FAM135B: variants seen among roughly 807,000 people sequenced by gnomAD.
The protein encoded by FAM135B is protein FAM135B.
FAM135B carries 43 observed loss-of-function variants against 127.7 expected under a neutral mutation model. The ratio of observed to expected loss-of-function variants is 0.34; its 90% CI spans 0.26 to 0.43. The LOEUF (loss-of-function observed/expected upper bound fraction) is 0.43. FAM135B is among the 20% of genes least tolerant of loss of function. FAM135B has a pLI of 1.00. For synonymous variants in FAM135B, 670 were observed against 665.1 expected (o/e 1.01, Z -0.11); for missense variants, 1,558 against 1,725.6 (o/e 0.90, Z 1.72).
At chr8:138,300,033 T>C (rs980255788) in intron 3 of FAM135B, among the ~76,000 whole-genome samples, 1 of 152,178 alleles carries the variant, frequency 6.6e-6, no homozygotes, top group Non-Finnish European at 1.5e-5. Flanking sequence ...GGTGGCAAGA[T>C]CTCGGCTCAC....
intron 1 of FAM135B, among the ~76,000 whole-genome samples, chr8:138,374,939 C>T (rs971915516): frequency 2.6e-5 from 4 of 152,134 alleles, no homozygotes; most frequent in Non-Finnish European, 5.9e-5. Flanking sequence ...TTTTTCCCAA[C>T]ATTTGTTCCA....
chr8:138,474,643 T>A (rs1470302136), intron 1 of FAM135B, among the ~76,000 whole-genome samples: 2 of 152,204 alleles, frequency 1.3e-5, no homozygotes, highest in African/African-American at 4.8e-5. Flanking sequence ...CCTAACTTTA[T>A]TTGGGTCTTT....
chr8:138,140,923 G>A (rs1347892965), intron 17 of FAM135B, among the ~76,000 whole-genome samples: 1 of 152,108 alleles, frequency 6.6e-6, no homozygotes, highest in Admixed American at 6.6e-5. Flanking sequence ...ACAACACCGT[G>A]TCTTGTCAGT....
At chr8:138,221,240 T>A (rs1264111820) in intron 7 of FAM135B, among the ~76,000 whole-genome samples, 1 of 152,024 alleles carries the variant, frequency 6.6e-6, no homozygotes, top group Non-Finnish European at 1.5e-5. Context: ...CGTACAATCA[T>A]GGAAGAAGGA....
At chr8:138,370,197 A>G (rs1357607604) in intron 1 of FAM135B, among the ~76,000 whole-genome samples, 4 of 152,186 alleles carry the variant, frequency 2.6e-5, no homozygotes, top group Non-Finnish European at 5.9e-5. Flanking sequence ...TTTGGGGTAG[A>G]GTTAATATTT....
intron 12 of FAM135B, among the ~76,000 whole-genome samples, chr8:138,166,273 T>C (rs756946028): frequency 5.3e-5 from 8 of 152,208 alleles, no homozygotes; most frequent in Non-Finnish European, 1.2e-4. Context: ...ATTTAGCTTG[T>C]TGGGTTTCCA....
intron 1 of FAM135B, among the ~76,000 whole-genome samples, chr8:138,399,027 G>C (rs1464525865): frequency 1.3e-5 from 2 of 152,104 alleles, no homozygotes; most frequent in Non-Finnish European, 2.9e-5. Flanking sequence ...AAATTAGCCT[G>C]TCTTCTCATT....
intron 17 of FAM135B, among the ~76,000 whole-genome samples, chr8:138,139,932 C>T (rs781638257): frequency 2.6e-5 from 4 of 152,122 alleles, no homozygotes; most frequent in African/African-American, 4.8e-5. Flanking sequence ...CTGACTGCTA[C>T]GTCAATGTGT....
intron 1 of FAM135B, among the ~76,000 whole-genome samples, chr8:138,432,149 G>T (rs1835223706): frequency 6.6e-6 from 1 of 152,208 alleles, no homozygotes; most frequent in Admixed American, 6.5e-5. Flanking sequence ...TGGCACAAAA[G>T]AGGAGAGACT....
chr8:138,471,458 T>C (rs1329603644), intron 1 of FAM135B, among the ~76,000 whole-genome samples: 1 of 151,952 alleles, frequency 6.6e-6, no homozygotes, highest in East Asian at 1.9e-4. Flanking sequence ...AGGACAGAGA[T>C]GGACAGGTGA....
chr8:138,467,986 C>G (rs889928943), intron 1 of FAM135B, among the ~76,000 whole-genome samples: 8 of 152,090 alleles, frequency 5.3e-5, no homozygotes, highest in South Asian at 2.1e-4. Context: ...AACTTATTTT[C>G]AAATGATCTA....
chr8:138,453,467 G>C (rs1001518598), intron 1 of FAM135B, among the ~76,000 whole-genome samples: 1 of 149,882 alleles, frequency 6.7e-6, no homozygotes, highest in African/African-American at 2.4e-5. Flanking sequence ...TCTTCATGAC[G>C]TAAGAGAAGT....
chr8:138,483,645 TC>T (rs1814874362), intron 1 of FAM135B, among the ~76,000 whole-genome samples: 1 of 152,112 alleles, frequency 6.6e-6, no homozygotes, highest in African/African-American at 2.4e-5. Context: ...ACCAGCTCCC[TC>T]TTTGGGGGTA....
At chr8:138,422,706 C>A (rs1834584343) in intron 1 of FAM135B, among the ~76,000 whole-genome samples, 1 of 151,808 alleles carries the variant, frequency 6.6e-6, no homozygotes, top group Admixed American at 6.6e-5. Flanking sequence ...CTGAAAAAAA[C>A]AAAAACAAAA....
chr8:138,277,175 T>C (rs1823891742), intron 3 of FAM135B, among the ~76,000 whole-genome samples: 2 of 152,204 alleles, frequency 1.3e-5, no homozygotes, highest in African/African-American at 4.8e-5. Flanking sequence ...CAGAGTGACC[T>C]GAGCTCCTGT....
At chr8:138,221,650 C>T (rs1266067039) in intron 7 of FAM135B, among the ~76,000 whole-genome samples, 1 of 152,124 alleles carries the variant, frequency 6.6e-6, no homozygotes, top group Non-Finnish European at 1.5e-5. Flanking sequence ...GAATGAAAAA[C>T]CTCATAATTC....
At chr8:138,327,248 G>A (rs1827850776) in intron 2 of FAM135B, among the ~76,000 whole-genome samples, 1 of 152,152 alleles carries the variant, frequency 6.6e-6, no homozygotes, top group Admixed American at 6.5e-5. Context: ...TGTCAGGCAA[G>A]ACTGTTGGTG....
intron 7 of FAM135B, among the ~76,000 whole-genome samples, chr8:138,220,937 A>T (rs6989502): frequency 1.3e-5 from 2 of 152,242 alleles, no homozygotes; most frequent in East Asian, 3.9e-4. Flanking sequence ...TAGATAAGAC[A>T]GCTGAGCAAG....
chr8:138,344,631 A>G (rs1473850883), intron 2 of FAM135B, among the ~76,000 whole-genome samples: 1 of 136,532 alleles, frequency 7.3e-6, no homozygotes, highest in African/African-American at 2.9e-5. Context: ...GCTGGAGTGC[A>G]GTGGCGCGAT....
Sources: gnomAD v4.1 joint callset for allele counts (sites outside exome capture counted in the v4.1 genomes callset) on GRCh38, gnomAD v4.1.1 for gene constraint, MANE v1.5 for transcripts, NCBI Gene and HGNC (gene_info 2026-07-23, HGNC 2026-07-21) for gene names.